Variants in PCDH12 observed in about 807,000 individuals in gnomAD.
The protein encoded by PCDH12 is protocadherin 12, also known as protocadherin-12.
In PCDH12, 45 loss-of-function variants were observed where a neutral mutation model predicts 70.9. That is an observed-to-expected ratio of 0.63 (90% CI 0.50 to 0.81). The LOEUF (loss-of-function observed/expected upper bound fraction) is 0.81, where lower values mean the gene tolerates loss of function less well. PCDH12 is among the 40% of genes least tolerant of loss of function. The pLI is 0.00. For synonymous variants in PCDH12, 567 were observed against 626.0 expected (o/e 0.91, Z 1.41); for missense variants, 1,370 against 1,491.7 (o/e 0.92, Z 1.34).
chr5:141,949,955 G>A (rs1182947589), intron 2 of PCDH12, among the ~76,000 whole-genome samples: 1 of 152,200 alleles, frequency 6.6e-6, no homozygotes, highest in Non-Finnish European at 1.5e-5. Flanking sequence ...CACACAGGAG[G>A]AGTTTAGTAA....
In PCDH12 at chr5:141,955,325, G is replaced by C. The variant is rs749595350; in HGVS notation, c.2527C>G (p.Gln843Glu). The C allele has an allele frequency of 6.2e-7, 1 of 1,614,180 alleles. No homozygotes were observed. The change falls in exon 1 of 4, where the codon CAA (glutamine) becomes GAA (glutamate). Residue 843 changes from glutamine to glutamate, a missense_variant. Coordinates refer to ENST00000231484, the MANE Select transcript of PCDH12 (RefSeq NM_016580.4). The surrounding 1 kb of genome is among the most constrained non-coding windows in gnomAD (Gnocchi z 5.5). The part of the protein sequence containing the change: ...GAPAESREVL[Q>E]DTVNLLFNHP... ...TTGAAAAGGAGGTTGACCGTGTCTT[G>C]CAGCACCTCTCGGCTCTCCGCCGGT...
rs1015795451 is a variant in PCDH12 at position 141,951,481 on chromosome 5, C to G, written c.2978+12G>C. On this transcript the variant is annotated intron_variant, in intron 2 of 3. Coordinates refer to ENST00000231484, the MANE Select transcript of PCDH12 (RefSeq NM_016580.4). ...GGCCTTGAGATGCCTGTGGGGGCTACGTGCTGCTTACCTGCTGCCTCCTGG... is the reference window on the plus strand; with the variant it reads ...GGCCTTGAGATGCCTGTGGGGGCTAGGTGCTGCTTACCTGCTGCCTCCTGG... 1 of 1,609,308 alleles carries G rather than the reference C, an allele frequency of 6.2e-7. No individual in the cohort carries two copies. Among genetic ancestry groups the G allele is most frequent in the African/African-American group, 1.3e-5 (1 of 74,810 alleles).
At position 141,955,733 on chromosome 5, in the gene PCDH12, GGGC is replaced by G; in HGVS notation, c.2116_2118del (p.Ala706del). On this transcript the variant is annotated inframe_deletion, in exon 1 of 4. Coordinates refer to ENST00000231484, the MANE Select transcript of PCDH12 (RefSeq NM_016580.4). This position sits in a 1 kb window ranked among gnomAD's most constrained non-coding sequence, Gnocchi z 5.5. ...GACATGCTCAAGGCCCCAGGCTTGC[GGGC>G]TGAGTCCCTCAGGTGGTCCACACTG... The G allele has an allele frequency of 6.2e-7, 1 of 1,614,088 alleles. No homozygotes were observed. The highest frequency in any genetic ancestry group is 8.5e-7 in the Non-Finnish European group (1 of 1,179,984).
rs113389146 is a variant in PCDH12 at position 141,949,699 on chromosome 5, G to T, written c.2979-116C>A. The T allele has an allele frequency of 1.1e-5, 14 of 1,287,644 alleles. No homozygotes were observed. The African/African-American group carries it at 2.1e-4, about 19-fold the overall frequency. The allele number at this position is 1,287,644 out of a possible 1,614,324, so 79.8% of individuals were successfully genotyped here. On this transcript the variant is annotated intron_variant, in intron 2 of 3. Transcript: ENST00000231484. ...TATAGGGAACTGGATACACAGCCTG[G>T]CCTCTAGAGTCAGACCAACCTGGAT...
In PCDH12 at chr5:141,957,168, G is replaced by T; in HGVS notation, c.684C>A (p.Ser228Arg). The T allele has an allele frequency of 6.2e-7, 1 of 1,614,200 alleles. No individual in the cohort carries two copies. The highest frequency in any genetic ancestry group is 8.5e-7 in the Non-Finnish European group (1 of 1,180,026). The change falls in exon 1 of 4, where the codon AGC becomes AGA. Residue 228 changes from serine to arginine, a missense_variant. By Grantham distance (110) the Ser-to-Arg change is moderately radical. Transcript: ENST00000231484. This position sits in a 1 kb window ranked among gnomAD's most constrained non-coding sequence, Gnocchi z 4.3. The part of the protein sequence containing the change: ...DNGNPPKSGT[S>R]LVKVNVLDSN... ...AGTCCAAGACGTTGACCTTGACCAA[G>T]CTGGTACCTGACTTGGGGGGGTTCC...
Position 141,955,337 on chromosome 5 carries a change from G to C in PCDH12, c.2515C>G (p.Arg839Gly). ...QGNQGAPAES[R>G]EVLQDTVNLL... ...TTGACCGTGTCTTGCAGCACCTCTC[G>C]GCTCTCCGCCGGTGCTCCCTGGTTG... is the stretch of plus-strand genomic sequence containing the variant. The change falls in exon 1 of 4, where the codon CGA becomes GGA. Residue 839 changes from arginine (R) to glycine (G), a missense_variant. Transcript: ENST00000231484. This position sits in a 1 kb window ranked among gnomAD's most constrained non-coding sequence, Gnocchi z 5.5. 2 of 1,614,164 alleles carry C rather than the reference G, an allele frequency of 1.2e-6. No individual in the cohort carries two copies. Among genetic ancestry groups the C allele is most frequent in the South Asian group, 1.1e-5 (1 of 91,080 alleles).
In PCDH12 at chr5:141,955,083, C is replaced by T; in HGVS notation, c.2769G>A (p.Glu923=). 1 of 1,614,230 alleles carries T rather than the reference C, an allele frequency of 6.2e-7. No individual in the cohort carries two copies. The highest frequency in any genetic ancestry group is 8.5e-7 in the Non-Finnish European group (1 of 1,180,044). ...GGATCTGACGGGGCCCTGATTCTTTCTCAGGGGACACTTTGCCATTGAGAT... is the reference window on the plus strand; with the variant it reads ...GGATCTGACGGGGCCCTGATTCTTTTTCAGGGGACACTTTGCCATTGAGAT... The part of the protein sequence containing the change: ...QRHLNGKVSP[E]KESGPRQILR... Residue 923 remains glutamate (E), a synonymous_variant, in exon 1 of 4, where the codon GAG becomes GAA. Transcript: ENST00000231484. This position sits in a 1 kb window ranked among gnomAD's most constrained non-coding sequence, Gnocchi z 5.5.
At chr5:141,954,673 T>C in intron 1 of PCDH12, among the ~76,000 whole-genome samples, 1 of 152,204 alleles carries the variant, frequency 6.6e-6, no homozygotes. Flanking sequence ...AAATGCCTTA[T>C]AGGAATTAAT....
chr5:141,955,594 C>T lies in PCDH12; in HGVS notation c.2258G>A (p.Arg753Gln), dbSNP rs199910341. 6.7e-5 allele frequency: 108 copies of T among 1,614,148 alleles called. No individual in the cohort carries two copies. Among genetic ancestry groups the T allele is most frequent in the Middle Eastern group, 1.6e-4 (1 of 6,062 alleles). ...EKKDNRAYNC[R>Q]EAESTYRQQP... Reference sequence around the variant, plus strand: ...CTGGCGGTAGGTGGACTCGGCCTCCCGACAGTTGTAGGCCCTGTTGTCCTT... The same window carrying T: ...CTGGCGGTAGGTGGACTCGGCCTCCTGACAGTTGTAGGCCCTGTTGTCCTT... The change falls in exon 1 of 4, where the codon CGG (arginine) becomes CAG (glutamine). Residue 753 changes from arginine to glutamine, a missense_variant. Arg to Gln is a conservative substitution (Grantham distance 43). Coordinates refer to ENST00000231484, the MANE Select transcript of PCDH12 (RefSeq NM_016580.4). The surrounding 1 kb of genome is among the most constrained non-coding windows in gnomAD (Gnocchi z 5.5).
intron 3 of PCDH12, among the ~76,000 whole-genome samples, chr5:141,948,762 C>T (rs890474442): frequency 3.3e-5 from 5 of 151,956 alleles, no homozygotes; most frequent in South Asian, 4.1e-4. Flanking sequence ...TTTTGAGCCT[C>T]GGTTTGCTCA....
chr5:141,951,725 G>C lies in PCDH12; in HGVS notation c.2881-135C>G, dbSNP rs1596644391. On this transcript the variant is annotated intron_variant, in intron 1 of 3. Transcript: ENST00000231484. ...CTTCAGATGTTTGTGTGATCAGATG[G>C]GGGATGGTGCCCAGTGACAGAGACA... is the stretch of plus-strand genomic sequence containing the variant. 1.4e-5 allele frequency: 10 copies of C among 699,382 alleles called. No homozygotes were observed. The East Asian group carries it at 2.7e-4, about 19-fold the overall frequency. The allele number at this position is 699,382 out of a possible 1,614,324, so 43.3% of individuals were successfully genotyped here. A position where few individuals can be genotyped will look rare whatever the true frequency, so the allele number is the denominator to read the frequency against.
In PCDH12 at chr5:141,956,246, T is replaced by C. The variant is rs1357604430; in HGVS notation, c.1606A>G (p.Ile536Val). ...ATGGGTTGCCCGCTGTCCTCTGCGA[T>C]CACCTGGAACTCAAAGCCGGCCATC... is the stretch of plus-strand genomic sequence containing the variant. The part of the protein sequence containing the change: ...EEMAGFEFQV[I>V]AEDSGQPMLA... The change falls in exon 1 of 4, where the codon ATC (isoleucine) becomes GTC (valine). Residue 536 changes from isoleucine (I) to valine (V), a missense_variant. Ile to Val is a conservative substitution (Grantham distance 29). Transcript: ENST00000231484. 1.2e-6 allele frequency: 2 copies of C among 1,614,092 alleles called. No individual in the cohort carries two copies. The highest frequency in any genetic ancestry group is 1.3e-5 in the African/African-American group (1 of 74,934).
At chr5:141,948,424 C>G (rs1752996952) in intron 3 of PCDH12, among the ~76,000 whole-genome samples, 1 of 152,190 alleles carries the variant, frequency 6.6e-6, no homozygotes, top group African/African-American at 2.4e-5. Flanking sequence ...AAAACCACAG[C>G]ACAGGGATGG....
chr5:141,946,781 T>G (rs1353896228), intron 3 of PCDH12, among the ~76,000 whole-genome samples: 1 of 152,150 alleles, frequency 6.6e-6, no homozygotes, highest in Non-Finnish European at 1.5e-5. Context: ...TCACCCTTCT[T>G]TTCCCATCCC....
chr5:141,955,513 A>G lies in PCDH12; in HGVS notation c.2339T>C (p.Val780Ala). ...AGGCTCACCTGCCTGACCCCTGAGC[A>G]CAGGCACGAGGTGGATGTCTGCCTT... ...IQKADIHLVPVLRGQAGEPCE... is the reference protein window; with the variant it reads ...IQKADIHLVPALRGQAGEPCE... The change falls in exon 1 of 4, where the codon GTG becomes GCG. Residue 780 changes from valine to alanine, a missense_variant. Transcript: ENST00000231484. This position sits in a 1 kb window ranked among gnomAD's most constrained non-coding sequence, Gnocchi z 5.5. 6.2e-7 allele frequency: 1 copy of G among 1,614,180 alleles called. No homozygotes were observed. The highest frequency in any genetic ancestry group is 8.5e-7 in the Non-Finnish European group (1 of 1,180,022).
chr5:141,945,228 C>T lies in PCDH12; in HGVS notation c.*153G>A, dbSNP rs1300396831. 2.2e-6 allele frequency: 2 copies of T among 912,874 alleles called. No individual in the cohort carries two copies. The highest frequency in any genetic ancestry group is 3.3e-6 in the Non-Finnish European group (2 of 597,552). The allele number at this position is 912,874 out of a possible 1,614,324, so 56.5% of individuals were successfully genotyped here. On this transcript the variant is annotated 3_prime_UTR_variant, in exon 4 of 4. Transcript: ENST00000231484. ...TGCTTTGGTCAGTCAGCTGTTAGTC[C>T]TGGGGCTCTTGCCTCCTCTGTGGGG... is the stretch of plus-strand genomic sequence containing the variant.
At position 141,956,840 on chromosome 5, in the gene PCDH12, C is replaced by T. The variant is rs768658970; in HGVS notation, c.1012G>A (p.Val338Ile). 6.2e-7 allele frequency: 1 copy of T among 1,614,250 alleles called. No individual in the cohort carries two copies. Among genetic ancestry groups the T allele is most frequent in the South Asian group, 1.1e-5 (1 of 91,086 alleles). ...GPNPIPAHCK[V>I]LIKVLDVNDN... The stretch of plus-strand genomic sequence containing the variant: ...TTGACATCCAGAACCTTGATGAGAA[C>T]TTTGCAATGGGCTGGGATAGGATTG... The change falls in exon 1 of 4, where the codon GTT (valine) becomes ATT (isoleucine). Residue 338 changes from valine to isoleucine, a missense_variant. By Grantham distance (29) the Val-to-Ile change is conservative. Coordinates refer to ENST00000231484, the MANE Select transcript of PCDH12 (RefSeq NM_016580.4).
chr5:141,956,362 T>C lies in PCDH12; in HGVS notation c.1490A>G (p.Tyr497Cys). 1.2e-6 allele frequency: 2 copies of C among 1,614,176 alleles called. No individual in the cohort carries two copies. Among genetic ancestry groups the C allele is most frequent in the Non-Finnish European group, 1.7e-6 (2 of 1,180,030 alleles). Residue 497 changes from tyrosine (Y) to cysteine (C), a missense_variant, in exon 1 of 4, where the codon TAC (tyrosine) becomes TGC (cysteine). By Grantham distance (194) the Tyr-to-Cys change is radical. Transcript: ENST00000231484. Reference sequence around the variant, plus strand: ...AGCAACTGGGGAGTCCTGGATGCGGTATGAGACTTTTCCATTAATGCCCAA... The same window carrying C: ...AGCAACTGGGGAGTCCTGGATGCGGCATGAGACTTTTCCATTAATGCCCAA... ...ADLGINGKVS[Y>C]RIQDSPVAHL...
chr5:141,954,919 GT>G, intron 1 of PCDH12, 52 bp downstream of exon 1: 1 of 1,553,080 alleles, frequency 6.4e-7, no homozygotes, highest in Non-Finnish European at 8.7e-7. Flanking sequence ...GTCTGATTCT[GT>G]TTCTGGTGGT....
Sources: gnomAD v4.1 joint callset for allele counts (sites outside exome capture counted in the v4.1 genomes callset) on GRCh38, gnomAD v4.1.1 for gene constraint, Gnocchi (gnomAD v3.1) non-coding constraint, MANE v1.5 for transcripts, NCBI Gene and HGNC (gene_info 2026-07-23, HGNC 2026-07-21) for gene names.